The following FXN variants were observed in gnomAD, a reference collection of about 807,000 sequenced individuals.
The protein encoded by FXN is frataxin.
Under a neutral mutation model 22.4 loss-of-function variants are expected in FXN, and 14 were observed. That is an observed-to-expected ratio of 0.62 (90% CI 0.41 to 0.98). FXN has a LOEUF of 0.98. Among genes scored for constraint, FXN ranks in the 50% least tolerant of loss-of-function variants. The pLI is 0.00. For missense variants in FXN, 267 were observed against 268.4 expected (o/e 0.99, Z 0.04); for synonymous variants, 120 against 114.1 (o/e 1.05, Z -0.33).
At chr9:69,058,806 C>T (rs143875135) in intron 3 of FXN, among the ~76,000 whole-genome samples, 2,368 of 152,214 alleles carry the variant, frequency 0.016, 57 homozygotes, top group African/African-American at 0.053. Context: ...CGGTGCCTCA[C>T]GCCTGTAATC....
intron 1 of FXN, among the ~76,000 whole-genome samples, chr9:69,036,555 C>G (rs1831554409): frequency 6.6e-6 from 1 of 152,248 alleles, no homozygotes; most frequent in South Asian, 2.1e-4. Flanking sequence ...ATTCCAGATT[C>G]TGCCCCACTC....
At chr9:69,044,340 G>T (rs188642891) in intron 1 of FXN, among the ~76,000 whole-genome samples, 42 of 152,284 alleles carry the variant, frequency 2.8e-4, no homozygotes, top group Admixed American at 2.5e-3. Flanking sequence ...TCTAACAGTG[G>T]TTATCATGGC....
intron 4 of FXN, among the ~76,000 whole-genome samples, chr9:69,067,006 C>CCGG (rs1431655219): frequency 6.6e-6 from 1 of 152,334 alleles, no homozygotes; most frequent in East Asian, 1.9e-4. Context: ...TGCGCCGTTT[C>CCGG]CGGCAGATCC....
intron 4 of FXN, chr9:69,071,222 G>C (rs757985418): frequency 3.9e-6 from 2 of 519,000 alleles, no homozygotes. Flanking sequence ...CCTTGGGCTT[G>C]GTGTGGTTTA....
At chr9:69,060,785 C>T (rs1446651070) in intron 3 of FXN, among the ~76,000 whole-genome samples, 1 of 152,226 alleles carries the variant, frequency 6.6e-6, no homozygotes, top group Non-Finnish European at 1.5e-5. Context: ...ATCATCTGCT[C>T]ATTCACTATT....
chr9:69,046,531 C>A, intron 2 of FXN, 49 bp downstream of exon 2: 1 of 1,299,166 alleles, frequency 7.7e-7, no homozygotes, highest in Non-Finnish European at 1.1e-6. Context: ...CTCTCCTTCC[C>A]TGCCTCTCCC....
chr9:69,042,173 G>A (rs1223681665), intron 1 of FXN, among the ~76,000 whole-genome samples: 1 of 151,860 alleles, frequency 6.6e-6, no homozygotes, highest in Non-Finnish European at 1.5e-5. Flanking sequence ...GGGAGGCGGA[G>A]GTTGCAATAA....
chr9:69,056,322 T>A (rs1831958438), intron 3 of FXN, among the ~76,000 whole-genome samples: 1 of 152,220 alleles, frequency 6.6e-6, no homozygotes, highest in African/African-American at 2.4e-5. Context: ...CTGAGAGGCG[T>A]AGCTAAGCAT....
intron 2 of FXN, among the ~76,000 whole-genome samples, chr9:69,048,851 G>T (rs1831804155): frequency 6.6e-6 from 1 of 152,176 alleles, no homozygotes; most frequent in African/African-American, 2.4e-5. Flanking sequence ...GGCTTTGCAT[G>T]GCTCACAAGG....
intron 1 of FXN, among the ~76,000 whole-genome samples, chr9:69,038,067 C>G (rs1158976866): frequency 6.6e-6 from 1 of 152,228 alleles, no homozygotes; most frequent in African/African-American, 2.4e-5. Flanking sequence ...GCGCTGCCGC[C>G]CAGGAGGTGG....
chr9:69,059,067 TA>T (rs1403437026), intron 3 of FXN, among the ~76,000 whole-genome samples: 1 of 149,974 alleles, frequency 6.7e-6, no homozygotes, highest in African/African-American at 2.5e-5. Context: ...GACTTCATCT[TA>T]AAAAAAAAGA....
intron 1 of FXN, among the ~76,000 whole-genome samples, chr9:69,043,106 G>A (rs1459147254): frequency 6.6e-6 from 1 of 152,194 alleles, no homozygotes; most frequent in Non-Finnish European, 1.5e-5. Context: ...TTTCAAAGAT[G>A]TGTGCAGAGC....
rs1587833929 is a variant in FXN at position 69,075,385 on chromosome 9, G to C, written c.*2623G>C. 5 of 699,176 alleles carry C rather than the reference G, an allele frequency of 7.2e-6. No individual in the cohort carries two copies. The South Asian group carries it at 2.6e-4, about 36-fold the overall frequency. 43.3% of individuals were successfully genotyped at this position (699,176 alleles called of 1,614,324 possible). A position where few individuals can be genotyped will look rare whatever the true frequency, so the allele number is the denominator to read the frequency against. ...TGAGGCAGGAGAATCGCTGTAACCT[G>C]GGGGGTGGAGGTTGCAGTGAGACGA... On this transcript the variant is annotated 3_prime_UTR_variant, in exon 5 of 5. Transcript: ENST00000484259.
intron 1 of FXN, chr9:69,036,207 C>A: frequency 4.0e-6 from 1 of 252,800 alleles, no homozygotes; most frequent in Non-Finnish European, 7.3e-6. Context: ...CGGGTCAAGG[C>A]ACGGGCGAAG....
intron 2 of FXN, among the ~76,000 whole-genome samples, chr9:69,049,357 G>T (rs1231393930): frequency 1.3e-5 from 2 of 151,918 alleles, no homozygotes; most frequent in South Asian, 2.1e-4. Flanking sequence ...ACCCTATCAG[G>T]CCAACCACTC....
At chr9:69,040,433 C>T (rs754034431) in intron 1 of FXN, among the ~76,000 whole-genome samples, 18 of 152,180 alleles carry the variant, frequency 1.2e-4, no homozygotes, top group Non-Finnish European at 2.4e-4. Context: ...CTTTGGGAGG[C>T]CGAGGCAGGT....
intron 1 of FXN, 61 bp downstream of exon 1, chr9:69,036,008 T>A: frequency 8.1e-7 from 1 of 1,234,540 alleles, no homozygotes; most frequent in Non-Finnish European, 1.0e-6. Context: ...GCCGCACGCC[T>A]GCGCAGGGAG....
In FXN at chr9:69,073,504, T is replaced by A; in HGVS notation, c.*742T>A. ...CAAGAAAAGAGGAAAAAAAGCCGTT[T>A]TCATGAGCTGAGTGATGTAGCGTAA... On this transcript the variant is annotated 3_prime_UTR_variant, in exon 5 of 5. Coordinates refer to ENST00000484259, the MANE Select transcript of FXN (RefSeq NM_000144.5). The A allele has an allele frequency of 1.0e-6, 1 of 985,520 alleles. No homozygotes were observed. The highest frequency in any genetic ancestry group is 1.2e-6 in the Non-Finnish European group (1 of 830,022). 61.0% of individuals were successfully genotyped at this position (985,520 alleles called of 1,614,324 possible).
rs1832342999 is a variant in FXN, at chr9:69,075,165, G to GA, written c.*2406dup. On this transcript the variant is annotated 3_prime_UTR_variant, in exon 5 of 5. Coordinates refer to ENST00000484259, the MANE Select transcript of FXN (RefSeq NM_000144.5). ...AGGCAGTGGGAGATCCCCATTTAAG[G>GA]AAAGAAAAGGGGCCTGGCACAGTGG... is the stretch of plus-strand genomic sequence containing the variant. The GA allele has an allele frequency of 1.0e-6, 1 of 985,364 alleles. No individual in the cohort carries two copies. Among genetic ancestry groups the GA allele is most frequent in the Non-Finnish European group, 1.2e-6 (1 of 829,984 alleles). 61.0% of individuals were successfully genotyped at this position (985,364 alleles called of 1,614,324 possible).
Sources: gnomAD v4.1 joint callset for allele counts (sites outside exome capture counted in the v4.1 genomes callset) on GRCh38, gnomAD v4.1.1 for gene constraint, MANE v1.5 for transcripts, NCBI Gene and HGNC (gene_info 2026-07-23, HGNC 2026-07-21) for gene names.